The following ADARB2 variants were observed in gnomAD, a reference collection of about 807,000 sequenced individuals.
ADARB2 encodes adenosine deaminase RNA specific B2 (inactive).
In ADARB2, 25 loss-of-function variants were observed where a neutral mutation model predicts 62.2. That is an observed-to-expected ratio of 0.40 (90% CI 0.29 to 0.56). ADARB2 has a LOEUF of 0.56. Ranked by LOEUF, ADARB2 falls within the 20% of genes least tolerant of loss-of-function variation. The probability of loss-of-function intolerance (pLI) is 0.43; values close to 1 mark genes in which losing one functional copy is unlikely to be tolerated. For synonymous variants in ADARB2, 572 were observed against 500.8 expected, an observed-to-expected ratio of 1.14 and a Z score of -1.90; for missense variants, 1,071 against 1,077.4, an observed-to-expected ratio of 0.99 and a Z score of 0.08.
At chr10:1,557,844 GGAGGTTGCGGTGAGCT>G (rs764158432) in intron 1 of ADARB2, among the ~76,000 whole-genome samples, 18 of 113,044 alleles carry the variant, frequency 1.6e-4, no homozygotes, top group East Asian at 6.0e-4. Context: ...CCCGGGAGGC[GGAGGTTGCGGTGAGCT>G]GAGGTTGCGG....
At chr10:1,639,133 C>T (rs1265260323) in intron 1 of ADARB2, among the ~76,000 whole-genome samples, 1 of 152,252 alleles carries the variant, frequency 6.6e-6, no homozygotes, top group African/African-American at 2.4e-5. Flanking sequence ...ATGGGAGGGC[C>T]ATGGTCCCAT....
At chr10:1,436,513 C>T (rs528953484) in intron 1 of ADARB2, among the ~76,000 whole-genome samples, 92 of 152,212 alleles carry the variant, frequency 6.0e-4, no homozygotes, top group African/African-American at 1.4e-3. Context: ...ATTCTTCATA[C>T]GATACTTTGT....
In ADARB2 at chr10:1,363,444, CG is replaced by C; in HGVS notation, c.660del (p.Asp221ThrfsTer63). On this transcript the variant is annotated frameshift_variant, in exon 3 of 10. Transcript: ENST00000381312. LOFTEE classifies it high-confidence loss of function. ...TDFTSDQADF[P>X]DTLFQEFEPP... Reference sequence around the variant, plus strand: ...GGCTCGAACTCCTGGAAGAGCGTGTCGGGGAAATCGGCCTGGTCGGAGGTGA... The same window carrying C: ...GGCTCGAACTCCTGGAAGAGCGTGTCGGGAAATCGGCCTGGTCGGAGGTGA... The C allele has an allele frequency of 7.1e-7, 1 of 1,416,720 alleles. No individual in the cohort carries two copies. Among genetic ancestry groups the C allele is most frequent in the Non-Finnish European group, 9.2e-7 (1 of 1,086,914 alleles). The allele number at this position is 1,416,720 out of a possible 1,614,324, so 87.8% of individuals were successfully genotyped here.
Position 1,360,099 on chromosome 10 carries a change from G to A in ADARB2, c.1077+2929C>T, listed in dbSNP as rs1328682559. Reference sequence around the variant, plus strand: ...CAGACGTGGTTTTGTGGTCCTGCACGTGGAAGCCAGCCCTGCGTGGGGTGA... The same window carrying A: ...CAGACGTGGTTTTGTGGTCCTGCACATGGAAGCCAGCCCTGCGTGGGGTGA... On this transcript the variant is annotated intron_variant, in intron 3 of 9. Coordinates refer to ENST00000381312, the MANE Select transcript of ADARB2 (RefSeq NM_018702.4). 4.6e-5 allele frequency among the ~76,000 whole-genome samples: 7 copies of A among 152,240 alleles called. No homozygotes were observed. The East Asian group carries it at 9.6e-4, about 21-fold the overall frequency.
intron 3 of ADARB2, among the ~76,000 whole-genome samples, chr10:1,320,288 A>G (rs1397055892): frequency 6.6e-6 from 1 of 152,226 alleles, no homozygotes; most frequent in Non-Finnish European, 1.5e-5. Context: ...TTAACATAGC[A>G]AAGTAGGGCT....
chr10:1,523,570 T>C (rs927499123), intron 1 of ADARB2, among the ~76,000 whole-genome samples: 1 of 152,230 alleles, frequency 6.6e-6, no homozygotes. Context: ...ATTTTGACCA[T>C]GAGCCTGTTC....
At chr10:1,218,485 C>T (rs997447568) in intron 6 of ADARB2, among the ~76,000 whole-genome samples, 14 of 152,216 alleles carry the variant, frequency 9.2e-5, no homozygotes, top group African/African-American at 3.4e-4. Context: ...ATATTAAATG[C>T]TTTCTTTAGA....
chr10:1,258,102 C>A (rs1031598690), intron 4 of ADARB2, among the ~76,000 whole-genome samples: 1 of 152,160 alleles, frequency 6.6e-6, no homozygotes, highest in African/African-American at 2.4e-5. Flanking sequence ...CTTCTCCTTC[C>A]CTTTCCTAGC....
At position 1,477,074 on chromosome 10, in the gene ADARB2, C is replaced by T. The variant is rs1410702530; in HGVS notation, c.101-97914G>A. Reference sequence around the variant, plus strand: ...CGATCCAACCCCTAGAGCACCTTCACAGCCACGCAAGGGCACCCTCCCACT... The same window carrying T: ...CGATCCAACCCCTAGAGCACCTTCATAGCCACGCAAGGGCACCCTCCCACT... On this transcript the variant is annotated intron_variant, in intron 1 of 9. Coordinates refer to ENST00000381312, the MANE Select transcript of ADARB2 (RefSeq NM_018702.4). This position sits in a 1 kb window ranked among gnomAD's most constrained non-coding sequence, Gnocchi z 4.5. 6.6e-6 allele frequency among the ~76,000 whole-genome samples: 1 copy of T among 152,142 alleles called. No individual in the cohort carries two copies. Among genetic ancestry groups the T allele is most frequent in the African/African-American group, 2.4e-5 (1 of 41,424 alleles).
At chr10:1,492,712 C>T (rs61831892) in intron 1 of ADARB2, among the ~76,000 whole-genome samples, 23,524 of 151,956 alleles carry the variant, frequency 0.15, 2,212 homozygotes, top group Middle Eastern at 0.23. Context: ...GGGAGTGTCC[C>T]GGGTGCTGGG....
At chr10:1,420,326 A>G (rs1403540852) in intron 1 of ADARB2, among the ~76,000 whole-genome samples, 2 of 152,230 alleles carry the variant, frequency 1.3e-5, no homozygotes, top group Non-Finnish European at 2.9e-5. Flanking sequence ...AAAGAGTAGC[A>G]CAGACAGATA....
intron 1 of ADARB2, among the ~76,000 whole-genome samples, chr10:1,478,249 A>C (rs958493349): frequency 1.3e-5 from 2 of 152,198 alleles, no homozygotes; most frequent in Admixed American, 1.3e-4. Context: ...TGAGCTGCAC[A>C]GATGTGATGG....
intron 3 of ADARB2, among the ~76,000 whole-genome samples, chr10:1,343,732 T>C (rs1350705287): frequency 6.6e-6 from 1 of 152,198 alleles, no homozygotes; most frequent in Non-Finnish European, 1.5e-5. Flanking sequence ...GGAACATGGA[T>C]GGAGCTGGAA....
intron 3 of ADARB2, among the ~76,000 whole-genome samples, chr10:1,279,113 C>T (rs567529843): frequency 6.6e-6 from 1 of 152,302 alleles, no homozygotes; most frequent in African/African-American, 2.4e-5. Context: ...ATAGACTAGG[C>T]AGCTTAAGCA....
intron 3 of ADARB2, among the ~76,000 whole-genome samples, chr10:1,328,601 G>A (rs1340304764): frequency 6.6e-6 from 1 of 152,038 alleles, no homozygotes; most frequent in Non-Finnish European, 1.5e-5. Context: ...AGCCTCCTGG[G>A]AGTGTTTACA....
At chr10:1,736,519 C>T (rs995200918) in intron 1 of ADARB2, among the ~76,000 whole-genome samples, 1 of 152,232 alleles carries the variant, frequency 6.6e-6, no homozygotes, top group African/African-American at 2.4e-5. Flanking sequence ...GCCCTGTGTT[C>T]TCTTTACGAC....
intron 1 of ADARB2, among the ~76,000 whole-genome samples, chr10:1,637,377 C>T (rs1027406281): frequency 6.6e-6 from 1 of 152,158 alleles, no homozygotes; most frequent in African/African-American, 2.4e-5. Context: ...AATCACATAG[C>T]AATCCCCAAA....
intron 2 of ADARB2, among the ~76,000 whole-genome samples, chr10:1,376,564 C>T (rs1293279878): frequency 6.6e-6 from 1 of 152,184 alleles, no homozygotes; most frequent in Non-Finnish European, 1.5e-5. Context: ...GCACGTCCCT[C>T]TCTCAGGAAT....
intron 1 of ADARB2, among the ~76,000 whole-genome samples, chr10:1,474,461 T>G (rs1201225216): frequency 1.3e-5 from 2 of 152,162 alleles, no homozygotes; most frequent in Admixed American, 1.3e-4. Flanking sequence ...AGGCCTCTTC[T>G]GCGGGCTAGG....
Sources: gnomAD v4.1 joint callset for allele counts (sites outside exome capture counted in the v4.1 genomes callset) on GRCh38, gnomAD v4.1.1 for gene constraint, Gnocchi (gnomAD v3.1) non-coding constraint, MANE v1.5 for transcripts, NCBI Gene and HGNC (gene_info 2026-07-23, HGNC 2026-07-21) for gene names.